TRIM2: variants seen among roughly 807,000 people sequenced by gnomAD.
TRIM2 encodes tripartite motif containing 2, also known as tripartite motif-containing protein 2.
In TRIM2, 20 loss-of-function variants were observed where a neutral mutation model predicts 75.2. That is an observed-to-expected ratio of 0.27 (90% CI 0.19 to 0.39). The LOEUF (loss-of-function observed/expected upper bound fraction) is 0.39, where lower values mean the gene tolerates loss of function less well. Ranked by LOEUF, TRIM2 falls within the 10% of genes least tolerant of loss-of-function variation. The pLI is 1.00. For synonymous variants in TRIM2, 373 were observed against 388.3 expected (o/e 0.96, Z 0.46); for missense variants, 660 against 990.8 (o/e 0.67, Z 4.48).
intron 6 of TRIM2, chr4:153,307,926 C>T: frequency 2.7e-6 from 2 of 753,680 alleles, no homozygotes; most frequent in South Asian, 2.7e-5. Context: ...AGTCCCCATG[C>T]CCATTATGGA....
chr4:153,252,277 C>T (rs1371615292), intron 1 of TRIM2, among the ~76,000 whole-genome samples: 2 of 152,164 alleles, frequency 1.3e-5, no homozygotes, highest in Admixed American at 1.3e-4. Flanking sequence ...CTTTGTTCTA[C>T]TCTGGAGTTG....
intron 1 of TRIM2, among the ~76,000 whole-genome samples, chr4:153,259,995 G>C (rs904274615): frequency 2.6e-5 from 4 of 152,042 alleles, no homozygotes; most frequent in Non-Finnish European, 5.9e-5. Context: ...TTTTGTTATT[G>C]TCTTTAAACA....
At chr4:153,246,661 G>A (rs1362693344) in intron 1 of TRIM2, among the ~76,000 whole-genome samples, 1 of 152,140 alleles carries the variant, frequency 6.6e-6, no homozygotes, top group Non-Finnish European at 1.5e-5. Context: ...TAGGAAAGAG[G>A]GTGGGAGAAA....
At chr4:153,264,368 G>A (rs934046620) in intron 1 of TRIM2, among the ~76,000 whole-genome samples, 1 of 152,040 alleles carries the variant, frequency 6.6e-6, no homozygotes, top group Non-Finnish European at 1.5e-5. Flanking sequence ...AAAAGCATTC[G>A]AGCTTCTTTA....
chr4:153,198,470 T>C (rs1443405568), intron 1 of TRIM2, among the ~76,000 whole-genome samples: 2 of 152,158 alleles, frequency 1.3e-5, no homozygotes, highest in Non-Finnish European at 2.9e-5. Flanking sequence ...TCCACCATGA[T>C]TACGAGACCT....
At chr4:153,314,412 T>C (rs1579631532) in intron 6 of TRIM2, among the ~76,000 whole-genome samples, 1 of 97,862 alleles carries the variant, frequency 1.0e-5, no homozygotes. Context: ...AGAGCGAGAC[T>C]CCGTCTCAAA....
intron 1 of TRIM2, among the ~76,000 whole-genome samples, chr4:153,227,136 A>G (rs1742347441): frequency 6.6e-6 from 1 of 152,194 alleles, no homozygotes; most frequent in Admixed American, 6.5e-5. Context: ...TTCAGCTACA[A>G]ACACTTTCTG....
At chr4:153,223,998 G>A (rs984569849) in intron 1 of TRIM2, among the ~76,000 whole-genome samples, 15 of 152,136 alleles carry the variant, frequency 9.9e-5, no homozygotes, top group African/African-American at 3.6e-4. Flanking sequence ...GTAGTTAAGA[G>A]TTGTTGCCTG....
intron 1 of TRIM2, among the ~76,000 whole-genome samples, chr4:153,236,658 TTTTTC>T (rs142215104): frequency 0.013 from 1,949 of 149,604 alleles, 31 homozygotes; most frequent in African/African-American, 0.044. Flanking sequence ...GGATTGTGTC[TTTTTC>T]TTTTCTTTTC....
At chr4:153,206,751 C>G (rs956290847) in intron 1 of TRIM2, among the ~76,000 whole-genome samples, 3 of 152,212 alleles carry the variant, frequency 2.0e-5, no homozygotes, top group Non-Finnish European at 2.9e-5. Flanking sequence ...TTCCAACTCT[C>G]TAATCACTTG....
chr4:153,337,494 A>C lies in TRIM2; in HGVS notation c.*2528A>C. 1 of 985,862 alleles carries C rather than the reference A, an allele frequency of 1.0e-6. No homozygotes were observed. Among genetic ancestry groups the C allele is most frequent in the Non-Finnish European group, 1.2e-6 (1 of 829,934 alleles). 61.1% of individuals were successfully genotyped at this position (985,862 alleles called of 1,614,324 possible). On this transcript the variant is annotated 3_prime_UTR_variant, in exon 12 of 12. Transcript: ENST00000338700. ...CTAAAACACATGCTATGAGCACTCC[A>C]GGAAACACTATATTTTTTCCAAAAA...
At chr4:153,272,508 A>G (rs2150044672) in intron 2 of TRIM2, among the ~76,000 whole-genome samples, 1 of 149,918 alleles carries the variant, frequency 6.7e-6, no homozygotes, top group South Asian at 2.1e-4. Flanking sequence ...TTATTTTGAG[A>G]CAGGATCTCA....
chr4:153,185,311 C>T (rs1430472515), intron 1 of TRIM2, among the ~76,000 whole-genome samples: 1 of 152,172 alleles, frequency 6.6e-6, no homozygotes, highest in Non-Finnish European at 1.5e-5. Context: ...ATGACAGGCT[C>T]CCCGTCAGAG....
At chr4:153,188,274 A>T (rs950669810) in intron 1 of TRIM2, among the ~76,000 whole-genome samples, 3 of 152,162 alleles carry the variant, frequency 2.0e-5, no homozygotes, top group Admixed American at 1.3e-4. Flanking sequence ...AGCCTGGGCA[A>T]CATGGTGAAA....
intron 1 of TRIM2, among the ~76,000 whole-genome samples, chr4:153,174,395 A>G (rs547526675): frequency 6.6e-6 from 1 of 152,088 alleles, no homozygotes; most frequent in South Asian, 2.1e-4. Context: ...CAGGGTGAAC[A>G]GAGAGAGAAG....
chr4:153,188,142 C>T (rs1732799307), intron 1 of TRIM2, among the ~76,000 whole-genome samples: 2 of 152,256 alleles, frequency 1.3e-5, no homozygotes, highest in South Asian at 2.1e-4. Flanking sequence ...CTGGAAGGAA[C>T]ATTTTTAAAG....
intron 2 of TRIM2, among the ~76,000 whole-genome samples, chr4:153,273,847 A>C (rs1337434506): frequency 6.6e-6 from 1 of 152,236 alleles, no homozygotes; most frequent in Non-Finnish European, 1.5e-5. Context: ...ATGATTACGC[A>C]GAAACCCCAA....
intron 1 of TRIM2, among the ~76,000 whole-genome samples, chr4:153,175,158 A>C (rs1731290165): frequency 6.6e-6 from 1 of 152,060 alleles, no homozygotes; most frequent in Non-Finnish European, 1.5e-5. Context: ...CTGGAATTAC[A>C]GGCGTCTGCC....
chr4:153,286,803 G>A (rs995551588), intron 3 of TRIM2, among the ~76,000 whole-genome samples: 4 of 139,356 alleles, frequency 2.9e-5, no homozygotes, highest in African/African-American at 1.1e-4. Flanking sequence ...TCTCTGGTCA[G>A]TCTAACTAAA....
Sources: gnomAD v4.1 joint callset for allele counts (sites outside exome capture counted in the v4.1 genomes callset) on GRCh38, gnomAD v4.1.1 for gene constraint, MANE v1.5 for transcripts, NCBI Gene and HGNC (gene_info 2026-07-23, HGNC 2026-07-21) for gene names.